Variants in PCDH15 observed in about 807,000 individuals in gnomAD.
The protein encoded by PCDH15 is protocadherin related 15.
A neutral mutation model predicts 178.5 loss-of-function variants in PCDH15; 129 were observed. That is an observed-to-expected ratio of 0.72 (90% confidence interval 0.63 to 0.84). The LOEUF is 0.84. Among genes scored for constraint, PCDH15 ranks in the 40% least tolerant of loss-of-function variants. The pLI is 0.00. For missense variants in PCDH15, 2,230 were observed against 2,099.9 expected, an observed-to-expected ratio of 1.06 and a Z score of -1.21; for synonymous variants, 800 against 732.0, an observed-to-expected ratio of 1.09 and a Z score of -1.50.
At chr10:54,903,552 A>G (rs912093714) in intron 2 of PCDH15, among the ~76,000 whole-genome samples, 1 of 151,156 alleles carries the variant, frequency 6.6e-6, no homozygotes, top group Non-Finnish European at 1.5e-5. Context: ...ATAAGAAACT[A>G]AACCTATTTT....
chr10:55,083,045 T>C (rs1019313624), intron 2 of PCDH15, among the ~76,000 whole-genome samples: 1 of 151,908 alleles, frequency 6.6e-6, no homozygotes, highest in South Asian at 2.1e-4. Flanking sequence ...AAGCTCATTA[T>C]ACAAAGTCAG....
At chr10:55,048,703 T>C (rs1028578964) in intron 2 of PCDH15, among the ~76,000 whole-genome samples, 18 of 151,914 alleles carry the variant, frequency 1.2e-4, no homozygotes, top group African/African-American at 4.1e-4. Context: ...ATATTTATCA[T>C]TTGTTTTTAT....
chr10:53,811,413 T>C lies in PCDH15; in HGVS notation c.4562+136A>G, dbSNP rs2075859632. On this transcript the variant is annotated intron_variant, in intron 36 of 37. Transcript: ENST00000644397. ...TGGTTAAAAATAAAGCTAGATATAC[T>C]ATTCATTTTCAAGTATTATACTAGT... 7 of 483,030 alleles carry C rather than the reference T, an allele frequency of 1.4e-5. No individual in the cohort carries two copies. In the South Asian group the frequency reaches 1.9e-4, roughly 13 times the overall value. The allele number at this position is 483,030 out of a possible 1,614,324, so 29.9% of individuals were successfully genotyped here. A position where few individuals can be genotyped will look rare whatever the true frequency, so the allele number is the denominator to read the frequency against.
rs11377394 is a variant in PCDH15 at position 54,200,269 on chromosome 10, C to CTTTTT, written c.1099-4385_1099-4381dup. Among the ~76,000 whole-genome samples, 18 of 106,068 alleles carry CTTTTT rather than the reference C, an allele frequency of 1.7e-4. 2 individuals are homozygous for CTTTTT. The highest frequency in any genetic ancestry group is 4.4e-4 in the African/African-American group (12 of 27,464). The allele number at this position is 106,068 out of a possible 152,430, so 69.6% of individuals were successfully genotyped here. A position where few individuals can be genotyped will look rare whatever the true frequency, so the allele number is the denominator to read the frequency against. ...ATTTATTGTGCATCTACAGAGCCCA[C>CTTTTT]TTTTTTTTTTTTTTTTTTTTTGTAT... is the stretch of plus-strand genomic sequence containing the variant. On this transcript the variant is annotated intron_variant, in intron 10 of 37. Transcript: ENST00000644397.
chr10:54,018,586 T>C (rs1270517610), intron 20 of PCDH15, among the ~76,000 whole-genome samples: 1 of 152,076 alleles, frequency 6.6e-6, no homozygotes, highest in Non-Finnish European at 1.5e-5. Flanking sequence ...CTGCATGATC[T>C]CCAGGATTAG....
At chr10:54,563,774 A>G (rs1278450342) in intron 2 of PCDH15, among the ~76,000 whole-genome samples, 2 of 152,126 alleles carry the variant, frequency 1.3e-5, no homozygotes, top group Admixed American at 1.3e-4. Flanking sequence ...AGTTGTGTAT[A>G]TTGTGGTAAT....
At chr10:54,607,813 G>A (rs2134190347) in intron 2 of PCDH15, 14 of 517,366 alleles carry the variant, frequency 2.7e-5, no homozygotes, top group South Asian at 2.0e-4. Context: ...TATGAAGAAT[G>A]ATGGTAAGGA....
chr10:54,841,812 T>A (rs1287874616), intron 3 of PCDH15, among the ~76,000 whole-genome samples: 1 of 151,822 alleles, frequency 6.6e-6, no homozygotes, highest in African/African-American at 2.4e-5. Context: ...ATTATTACAA[T>A]CATTTTTTGA....
chr10:53,846,082 A>T (rs566776424), intron 28 of PCDH15, among the ~76,000 whole-genome samples: 26 of 151,492 alleles, frequency 1.7e-4, no homozygotes, highest in Non-Finnish European at 3.4e-4. Flanking sequence ...TGAATGCCAA[A>T]AATTTCCCTG....
In PCDH15 at chr10:53,812,662, C is replaced by T. The variant is rs12255559; in HGVS notation, c.4492-1043G>A. Among the ~76,000 whole-genome samples the T allele has an allele frequency of 7.7e-3, 1,166 of 152,140 alleles. 12 individuals carry two copies. The highest frequency in any genetic ancestry group is 0.024 in the African/African-American group (1,015 of 41,494). ...TTTTCTTGAGATATACATGTGAAAA[C>T]GGTTTCTGATAACTATCAAATGCAA... On this transcript the variant is annotated intron_variant, in intron 35 of 37. Coordinates refer to ENST00000644397, the MANE Select transcript of PCDH15 (RefSeq NM_001384140.1).
intron 2 of PCDH15, among the ~76,000 whole-genome samples, chr10:55,581,580 C>G (rs1282628210): frequency 1.3e-5 from 2 of 151,752 alleles, no homozygotes; most frequent in African/African-American, 4.8e-5. Context: ...TGGACTGCAT[C>G]ACATATATCC....
intron 2 of PCDH15, among the ~76,000 whole-genome samples, chr10:55,360,160 G>A (rs1367635316): frequency 6.6e-6 from 1 of 151,922 alleles, no homozygotes; most frequent in Non-Finnish European, 1.5e-5. Flanking sequence ...AGAATGTGAA[G>A]TGATGAATAT....
chr10:55,300,681 G>C (rs562185065), intron 1 of PCDH15, among the ~76,000 whole-genome samples: 32 of 152,196 alleles, frequency 2.1e-4, no homozygotes, highest in African/African-American at 7.5e-4. Context: ...ATTCAATTTA[G>C]AAAAACATGT....
intron 7 of PCDH15, 113 bp downstream of exon 7, chr10:54,329,483 C>G: frequency 1.3e-6 from 1 of 762,360 alleles, no homozygotes; most frequent in South Asian, 1.5e-5. Context: ...GGCAGGAGTG[C>G]CCTGATGAAG....
At chr10:55,475,822 T>C (rs139500050) in intron 2 of PCDH15, among the ~76,000 whole-genome samples, 6 of 152,268 alleles carry the variant, frequency 3.9e-5, no homozygotes, top group African/African-American at 1.4e-4. Flanking sequence ...TGAAATAATA[T>C]GGTCCCAAAC....
chr10:54,375,632 T>A lies in PCDH15; in HGVS notation c.318+3150A>T, dbSNP rs1216247527. On this transcript the variant is annotated intron_variant, in intron 4 of 37. Coordinates refer to ENST00000644397, the MANE Select transcript of PCDH15 (RefSeq NM_001384140.1). ...CAAAAATTCAGTGGAAAATTTTCTA[T>A]AAAAATAATTTCAAGAGCAATTTAC... Among the ~76,000 whole-genome samples the A allele has an allele frequency of 2.0e-5, 3 of 151,488 alleles. No homozygotes were observed. The Admixed American group carries it at 2.0e-4, about 10-fold the overall frequency.
At chr10:54,250,259 T>C (rs1312837825) in intron 8 of PCDH15, among the ~76,000 whole-genome samples, 1 of 148,394 alleles carries the variant, frequency 6.7e-6, no homozygotes, top group Non-Finnish European at 1.5e-5. Flanking sequence ...TTCTATAATA[T>C]GCTATTACTT....
intron 10 of PCDH15, among the ~76,000 whole-genome samples, chr10:54,206,811 A>T (rs1384824576): frequency 6.6e-6 from 1 of 152,050 alleles, no homozygotes; most frequent in African/African-American, 2.4e-5. Context: ...TTTCTATGGA[A>T]CCAAGAAACC....
At chr10:54,322,049 TA>T (rs1238311676) in intron 7 of PCDH15, among the ~76,000 whole-genome samples, 2 of 151,868 alleles carry the variant, frequency 1.3e-5, no homozygotes, top group Non-Finnish European at 1.5e-5. Context: ...AATATCCATT[TA>T]AAAAATAATC....
Sources: allele counts gnomAD v4.1 joint callset (sites outside exome capture counted in the v4.1 genomes callset), GRCh38; gene constraint gnomAD v4.1.1; transcripts MANE v1.5; gene names NCBI Gene and HGNC (gene_info 2026-07-23, HGNC 2026-07-21).